Variants in DNTTIP2 observed in about 807,000 individuals in gnomAD.
The protein encoded by DNTTIP2 is deoxynucleotidyltransferase terminal interacting protein 2, also known as deoxynucleotidyltransferase terminal-interacting protein 2.
DNTTIP2 carries 47 observed loss-of-function variants against 62.4 expected under a neutral mutation model. The ratio of observed to expected loss-of-function variants is 0.75; its 90% CI spans 0.60 to 0.96. The LOEUF is 0.96. Among genes scored for constraint, DNTTIP2 ranks in the 40% least tolerant of loss-of-function variants. The probability of loss-of-function intolerance (pLI) is 0.00; values close to 1 mark genes in which losing one functional copy is unlikely to be tolerated. For synonymous variants in DNTTIP2, 322 were observed against 300.9 expected (o/e 1.07, Z -0.73); for missense variants, 870 against 849.1 (o/e 1.02, Z -0.31).
At position 93,877,604 on chromosome 1, in the gene DNTTIP2, G is replaced by T. The variant is rs757262897; in HGVS notation, c.331C>A (p.Gln111Lys). 8 of 1,613,966 alleles carry T rather than the reference G, an allele frequency of 5.0e-6. No individual in the cohort carries two copies. The South Asian group carries it at 7.7e-5, about 16-fold the overall frequency. ...ACTGGGGAGCATGCAATTAAGATCT[G>T]CCTTCTCCTAGTTACCCTTAAAATG... ...DTILRVTRRR[Q>K]ILIACSPVSS... Residue 111 changes from glutamine (Q) to lysine (K), a missense_variant, in exon 2 of 7, where the codon CAG becomes AAG. Transcript: ENST00000436063.
rs531497667 is a variant in DNTTIP2, at chr1:93,868,076, G to A, written c.*1775C>T. 17 of 152,292 alleles carry A rather than the reference G, an allele frequency of 1.1e-4. No homozygotes were observed. The East Asian group carries it at 2.9e-3, about 26-fold the overall frequency. 9.4% of individuals were successfully genotyped at this position (152,292 alleles called of 1,614,324 possible). On this transcript the variant is annotated 3_prime_UTR_variant, in exon 7 of 7. Coordinates refer to ENST00000436063, the MANE Select transcript of DNTTIP2 (RefSeq NM_014597.5). ...TATCAGAGTGCACAGGCAATCTACA[G>A]AATGGGAGAAAATTTCTGTAATCTA...
Position 93,876,664 on chromosome 1 carries a change from G to A in DNTTIP2, c.1271C>T (p.Thr424Ile). 2 of 1,613,986 alleles carry A rather than the reference G, an allele frequency of 1.2e-6. No individual in the cohort carries two copies. Among genetic ancestry groups the A allele is most frequent in the Non-Finnish European group, 1.7e-6 (2 of 1,179,888 alleles). The change falls in exon 2 of 7, where the codon ACC becomes ATC. Residue 424 changes from threonine (T) to isoleucine (I), a missense_variant. By Grantham distance (89) the Thr-to-Ile change is moderately conservative. Coordinates refer to ENST00000436063, the MANE Select transcript of DNTTIP2 (RefSeq NM_014597.5). ...GTTGGGCGCAGACGTGTATAGTTTG[G>A]TATCACATTCAAAATCTACATTCCC... The part of the protein sequence containing the change: ...SEGNVDFECD[T>I]KLYTSAPNTS...
At chr1:93,871,235 C>G (rs974263189) in intron 5 of DNTTIP2, among the ~76,000 whole-genome samples, 2 of 152,196 alleles carry the variant, frequency 1.3e-5, no homozygotes, top group Non-Finnish European at 2.9e-5. Context: ...TTACAGTGAT[C>G]ACTATGCACC....
Position 93,877,658 on chromosome 1 carries a change from T to C in DNTTIP2, c.277A>G (p.Asn93Asp). ...TCATGGTGCTCAGACACAGAATAAT[T>C]TGACTCTGCCTCAGAGGTTTCTCCA... ...TDGETSEAES[N>D]YSVSEHHDTI... is the part of the protein sequence containing the mutation. Residue 93 changes from asparagine (N) to aspartate (D), a missense_variant, in exon 2 of 7, where the codon AAT becomes GAT. Asn to Asp is a conservative substitution (Grantham distance 23). Transcript: ENST00000436063. 6.2e-7 allele frequency: 1 copy of C among 1,613,994 alleles called. No individual in the cohort carries two copies. The highest frequency in any genetic ancestry group is 1.1e-5 in the South Asian group (1 of 91,084).
Position 93,867,397 on chromosome 1 carries a change from A to G in DNTTIP2, c.*2454T>C, listed in dbSNP as rs1403168332. Reference sequence around the variant, plus strand: ...CCGAGGCGGGTGGATCACTTGAGGTAAGGATGGCAAAACCCCATCTCTACT... The same window carrying G: ...CCGAGGCGGGTGGATCACTTGAGGTGAGGATGGCAAAACCCCATCTCTACT... On this transcript the variant is annotated 3_prime_UTR_variant, in exon 7 of 7. Coordinates refer to ENST00000436063, the MANE Select transcript of DNTTIP2 (RefSeq NM_014597.5). 1 of 151,894 alleles carries G rather than the reference A, an allele frequency of 6.6e-6. No homozygotes were observed. Among genetic ancestry groups the G allele is most frequent in the Non-Finnish European group, 1.5e-5 (1 of 68,034 alleles). The allele number at this position is 151,894 out of a possible 1,614,324, so 9.4% of individuals were successfully genotyped here.
rs571368278 is a variant in DNTTIP2, at chr1:93,874,769, T to C, written c.1806+876A>G. On this transcript the variant is annotated intron_variant, in intron 3 of 6. Coordinates refer to ENST00000436063, the MANE Select transcript of DNTTIP2 (RefSeq NM_014597.5). Reference sequence around the variant, plus strand: ...TCAGCCTCCCAAAGTGCTGGGATTATAGATGTGAGCTACCTTGCCCAGCCG... The same window carrying C: ...TCAGCCTCCCAAAGTGCTGGGATTACAGATGTGAGCTACCTTGCCCAGCCG... Among the ~76,000 whole-genome samples, 3 of 152,212 alleles carry C rather than the reference T, an allele frequency of 2.0e-5. No homozygotes were observed. In the South Asian group the frequency reaches 6.2e-4, roughly 32 times the overall value.
In DNTTIP2 at chr1:93,868,400, G is replaced by C. The variant is rs908817132; in HGVS notation, c.*1451C>G. ...AGGAACACTTTTACACTGTTGGTGG[G>C]AGTGTAAACTAGTTCAACCATTGTG... On this transcript the variant is annotated 3_prime_UTR_variant, in exon 7 of 7. Transcript: ENST00000436063. 3 of 152,328 alleles carry C rather than the reference G, an allele frequency of 2.0e-5. No homozygotes were observed. The highest frequency in any genetic ancestry group is 7.2e-5 in the African/African-American group (3 of 41,582). The allele number at this position is 152,328 out of a possible 1,614,324, so 9.4% of individuals were successfully genotyped here.
At position 93,876,700 on chromosome 1, in the gene DNTTIP2, A is replaced by G. The variant is rs374128347; in HGVS notation, c.1235T>C (p.Met412Thr). The G allele has an allele frequency of 7.7e-5, 125 of 1,613,990 alleles. 5 individuals carry two copies. Among genetic ancestry groups the G allele is most frequent in the Admixed American group, 3.7e-4 (22 of 60,032 alleles). The change falls in exon 2 of 7, where the codon ATG (methionine) becomes ACG (threonine). Residue 412 changes from methionine (M) to threonine (T), a missense_variant. Transcript: ENST00000436063. ...AAAATCTACATTCCCTTCACTGTTC[A>G]TGTCTTCACTGACACTTATAACTGT... ...ESTVISVSED[M>T]NSEGNVDFEC... is the part of the protein sequence containing the mutation.
In DNTTIP2 at chr1:93,870,770, G is replaced by A. The variant is rs1370479170; in HGVS notation, c.2090C>T (p.Pro697Leu). 4 of 1,560,764 alleles carry A rather than the reference G, an allele frequency of 2.6e-6. No homozygotes were observed. In the East Asian group the frequency reaches 9.2e-5, roughly 36 times the overall value. Reference protein sequence around the residue: ...YFQIGTIVDNPADFYHSRIPK... With the variant: ...YFQIGTIVDNLADFYHSRIPK... ...AATTCGTGAATGGTAGAAATCAGCT[G>A]GATTGTCAACAATGGTTCCAATCTG... is the stretch of plus-strand genomic sequence containing the variant. The change falls in exon 6 of 7, where the codon CCA (proline) becomes CTA (leucine). Residue 697 changes from proline (P) to leucine (L), a missense_variant. Coordinates refer to ENST00000436063, the MANE Select transcript of DNTTIP2 (RefSeq NM_014597.5).
rs569877128 is a variant in DNTTIP2, at chr1:93,871,588, T to C, written c.2067+484A>G. 2.6e-5 allele frequency among the ~76,000 whole-genome samples: 4 copies of C among 152,304 alleles called. No homozygotes were observed. The South Asian group carries it at 8.3e-4, about 32-fold the overall frequency. ...TGTTGGAATTTGTTGGGCTATATGA[T>C]GAAAGGCAGGTGAACTAGTTTGGGT... On this transcript the variant is annotated intron_variant, in intron 5 of 6. Transcript: ENST00000436063.
At chr1:93,870,041 A>G in intron 6 of DNTTIP2, 97 bp from the exon 7 acceptor site, 1 of 663,144 alleles carries the variant, frequency 1.5e-6, no homozygotes, top group Non-Finnish European at 2.8e-6. Flanking sequence ...GGTGGACAAG[A>G]CAAGTATAGT....
chr1:93,872,637 A>C (rs1409886871), intron 4 of DNTTIP2, among the ~76,000 whole-genome samples: 1 of 152,212 alleles, frequency 6.6e-6, no homozygotes, highest in Non-Finnish European at 1.5e-5. Flanking sequence ...GGAGTCTCAG[A>C]ATGCCACTCA....
intron 6 of DNTTIP2, among the ~76,000 whole-genome samples, chr1:93,870,318 C>A (rs1253471597): frequency 6.6e-6 from 1 of 152,082 alleles, no homozygotes; most frequent in East Asian, 1.9e-4. Context: ...TTAGAAGCGA[C>A]CAATGGTTTT....
intron 2 of DNTTIP2, 25 bp from the exon 3 acceptor site, chr1:93,875,808 G>C (rs1342622760): frequency 6.3e-7 from 1 of 1,590,416 alleles, no homozygotes; most frequent in Admixed American, 1.8e-5. Context: ...ATCACTTAAA[G>C]ATCAAGTAAT....
In DNTTIP2 at chr1:93,877,538, C is replaced by A. The variant is rs1435121801; in HGVS notation, c.397G>T (p.Glu133Ter). 15 of 1,613,892 alleles carry A rather than the reference C, an allele frequency of 9.3e-6. No individual in the cohort carries two copies. The highest frequency in any genetic ancestry group is 2.7e-5 in the African/African-American group (2 of 74,934). ...RKKPKVTPTK[E>*]SYTEEIVSEA... ...GACACTATTTCTTCAGTGTAAGACTCCTTTGTTGGAGTTACTTTCGGCTTT... is the reference window on the plus strand; with the variant it reads ...GACACTATTTCTTCAGTGTAAGACTACTTTGTTGGAGTTACTTTCGGCTTT... Residue 133 changes from glutamate (E) to a stop codon, truncating the protein, a stop_gained, in exon 2 of 7, where the codon GAG (glutamate) becomes TAG (stop). Transcript: ENST00000436063. LOFTEE classifies it high-confidence loss of function.
chr1:93,872,749 G>A lies in DNTTIP2; in HGVS notation c.1902+370C>T, dbSNP rs1223155590. On this transcript the variant is annotated intron_variant, in intron 4 of 6. Transcript: ENST00000436063. ...TAATTTTGTTTCATTCATACAACAA[G>A]TATTTAGTTAGTGCCTACCATGTGC... Among the ~76,000 whole-genome samples, 4 of 152,204 alleles carry A rather than the reference G, an allele frequency of 2.6e-5. No individual in the cohort carries two copies. In the South Asian group the frequency reaches 6.2e-4, roughly 24 times the overall value.
At position 93,866,834 on chromosome 1, in the gene DNTTIP2, G is replaced by C. The variant is rs1655733404; in HGVS notation, c.*3017C>G. 1.3e-5 allele frequency: 2 copies of C among 152,216 alleles called. No homozygotes were observed. The highest frequency in any genetic ancestry group is 4.8e-5 in the African/African-American group (2 of 41,448). 9.4% of individuals were successfully genotyped at this position (152,216 alleles called of 1,614,324 possible). On this transcript the variant is annotated 3_prime_UTR_variant, in exon 7 of 7. Coordinates refer to ENST00000436063, the MANE Select transcript of DNTTIP2 (RefSeq NM_014597.5). The stretch of plus-strand genomic sequence containing the variant: ...CAACTTTATCAACTGTAGTCTTACA[G>C]CATCTACTTTGTTTTAAGAACATTT...
Position 93,876,278 on chromosome 1 carries a change from T to C in DNTTIP2, c.1657A>G (p.Lys553Glu), listed in dbSNP as rs753628840. ...AAAGGAAAAACTTACAGTTTAGCCT[T>C]TGTGCTATTTAGGAAGTCTTCTTCA... is the stretch of plus-strand genomic sequence containing the variant. The part of the protein sequence containing the change: ...SDEEDFLNST[K>E]AKLLKLTSSS... The change falls in exon 2 of 7, where the codon AAG (lysine) becomes GAG (glutamate). Residue 553 changes from lysine (K) to glutamate (E), a missense_variant. Lys to Glu is a moderately conservative substitution (Grantham distance 56). Coordinates refer to ENST00000436063, the MANE Select transcript of DNTTIP2 (RefSeq NM_014597.5). 1.0e-5 allele frequency: 16 copies of C among 1,531,780 alleles called. No homozygotes were observed. The South Asian group carries it at 1.9e-4, about 18-fold the overall frequency. The allele number at this position is 1,531,780 out of a possible 1,614,324, so 94.9% of individuals were successfully genotyped here.
At chr1:93,871,596 A>C (rs141701473) in intron 5 of DNTTIP2, among the ~76,000 whole-genome samples, 237 of 152,324 alleles carry the variant, frequency 1.6e-3, no homozygotes, top group African/African-American at 5.3e-3. Flanking sequence ...GATGAAAGGC[A>C]GGTGAACTAG....
Sources: gnomAD v4.1 joint callset for allele counts (sites outside exome capture counted in the v4.1 genomes callset) on GRCh38, gnomAD v4.1.1 for gene constraint, MANE v1.5 for transcripts, NCBI Gene and HGNC (gene_info 2026-07-23, HGNC 2026-07-21) for gene names.